The following CELF2 variants were observed in gnomAD, a reference collection of about 807,000 sequenced individuals.
CELF2 encodes the protein CUG triplet repeat RNA-binding protein 2.
Under a neutral mutation model 62.6 loss-of-function variants are expected in CELF2, and 8 were observed. That is an observed-to-expected ratio of 0.13 (90% CI 0.07 to 0.23). CELF2 has a LOEUF of 0.23. Among genes scored for constraint, CELF2 ranks in the 10% least tolerant of loss-of-function variants. The pLI is 1.00. For missense variants in CELF2, 333 were observed against 671.0 expected, an observed-to-expected ratio of 0.50 and a Z score of 5.56; for synonymous variants, 258 against 250.0, an observed-to-expected ratio of 1.03 and a Z score of -0.30.
chr10:11,157,820 C>T lies in CELF2; in HGVS notation c.75-7666C>T, dbSNP rs1292095924. On this transcript the variant is annotated intron_variant, in intron 1 of 12. Transcript: ENST00000633077. The surrounding 1 kb of genome is among the most constrained non-coding windows in gnomAD (Gnocchi z 4.9). ...AGAGAGGGTTGTGAATCCGCACTGA[C>T]CGTGTTCTCTTGCATAAATAAGTCC... 6.6e-6 allele frequency among the ~76,000 whole-genome samples: 1 copy of T among 152,222 alleles called. No individual in the cohort carries two copies. The highest frequency in any genetic ancestry group is 1.5e-5 in the Non-Finnish European group (1 of 68,042).
the CELF2 span, among the ~76,000 whole-genome samples, chr10:10,716,619 A>T: frequency 2.0e-5 from 3 of 152,228 alleles, no homozygotes; most frequent in Non-Finnish European, 4.4e-5. Flanking sequence ...TTGGAAGTGT[A>T]GCCATAAAAT....
the CELF2 span, among the ~76,000 whole-genome samples, chr10:10,643,800 G>A: frequency 3.0e-4 from 45 of 152,152 alleles, no homozygotes; most frequent in African/African-American, 6.7e-4. Context: ...ATGTCTTAAC[G>A]TAGGCTCTGA....
Position 11,314,686 on chromosome 10 carries a change from C to A in CELF2, c.1096+428C>A, listed in dbSNP as rs1403349684. On this transcript the variant is annotated intron_variant, in intron 10 of 12. Coordinates refer to ENST00000633077, the MANE Select transcript of CELF2 (RefSeq NM_001326342.2). This position sits in a 1 kb window ranked among gnomAD's most constrained non-coding sequence, Gnocchi z 5.3. ...GGAAGTCAGGCAGATGCTGCTCCCTCTCTGGGCTTGGGAGTCTCCATTTGA... is the reference window on the plus strand; with the variant it reads ...GGAAGTCAGGCAGATGCTGCTCCCTATCTGGGCTTGGGAGTCTCCATTTGA... The A allele has an allele frequency of 6.7e-6, 2 of 296,606 alleles. No homozygotes were observed. Among genetic ancestry groups the A allele is most frequent in the Non-Finnish European group, 1.3e-5 (2 of 151,452 alleles). 18.4% of individuals were successfully genotyped at this position (296,606 alleles called of 1,614,324 possible).
In CELF2 at chr10:11,316,749, T is replaced by C. The variant is rs1246050590; in HGVS notation, c.1096+2491T>C. ...TAGATGACTCACCAGAGCCAACATTTTACCCTCTTTCCTGCCCAAGAGCCC... is the reference window on the plus strand; with the variant it reads ...TAGATGACTCACCAGAGCCAACATTCTACCCTCTTTCCTGCCCAAGAGCCC... On this transcript the variant is annotated intron_variant, in intron 10 of 12. Coordinates refer to ENST00000633077, the MANE Select transcript of CELF2 (RefSeq NM_001326342.2). This position sits in a 1 kb window ranked among gnomAD's most constrained non-coding sequence, Gnocchi z 4.4. 1 of 152,228 alleles carries C rather than the reference T, an allele frequency of 6.6e-6. No homozygotes were observed. The highest frequency in any genetic ancestry group is 1.9e-4 in the East Asian group (1 of 5,188). 9.4% of individuals were successfully genotyped at this position (152,228 alleles called of 1,614,324 possible). A position where few individuals can be genotyped will look rare whatever the true frequency, so the allele number is the denominator to read the frequency against.
the CELF2 span, among the ~76,000 whole-genome samples, chr10:10,688,285 G>A: frequency 2.0e-5 from 3 of 152,214 alleles, no homozygotes; most frequent in African/African-American, 4.8e-5. Flanking sequence ...AGGAGATAAA[G>A]TGCTTGTTTA....
chr10:10,742,832 G>A, the CELF2 span, among the ~76,000 whole-genome samples: 3 of 152,162 alleles, frequency 2.0e-5, no homozygotes, highest in African/African-American at 4.8e-5. Context: ...GTGCATTAAG[G>A]GAGGATTTGT....
chr10:10,688,716 G>C, the CELF2 span, among the ~76,000 whole-genome samples: 1,070 of 151,432 alleles, frequency 7.1e-3, 4 homozygotes, highest in Non-Finnish European at 8.2e-3. Flanking sequence ...GTACTAGCCA[G>C]TTTTTTTTTG....
the CELF2 span, among the ~76,000 whole-genome samples, chr10:10,731,778 CAGA>C: frequency 6.6e-6 from 1 of 152,134 alleles, no homozygotes; most frequent in African/African-American, 2.4e-5. Flanking sequence ...TCGGTAGGAA[CAGA>C]AGAAGGAATG....
chr10:11,015,945 A>T (rs1380433774), upstream of CELF2, among the ~76,000 whole-genome samples: 1 of 152,222 alleles, frequency 6.6e-6, no homozygotes, highest in Admixed American at 6.5e-5. This position sits in a 1 kb window ranked among gnomAD's most constrained non-coding sequence, Gnocchi z 4.8. Flanking sequence ...TACATGTTCT[A>T]CCTTACAGAA....
the CELF2 span, among the ~76,000 whole-genome samples, chr10:10,489,056 C>A: frequency 1.3e-5 from 2 of 151,994 alleles, no homozygotes; most frequent in African/African-American, 4.8e-5. Flanking sequence ...TCAGCGAATG[C>A]GGTTCTGATA....
chr10:11,080,831 A>C (rs189334097), intron 1 of CELF2, among the ~76,000 whole-genome samples: 3 of 152,348 alleles, frequency 2.0e-5, no homozygotes, highest in Admixed American at 2.0e-4. Flanking sequence ...AATGAAAAGA[A>C]AATTATATGA....
At chr10:10,803,832 T>C (rs1263760972) in intron 1 of CELF2, among the ~76,000 whole-genome samples, 1 of 152,210 alleles carries the variant, frequency 6.6e-6, no homozygotes, top group Non-Finnish European at 1.5e-5. Context: ...AATGAATGAA[T>C]GAATGAGTGA....
At chr10:11,080,003 T>C (rs982811146) in intron 1 of CELF2, among the ~76,000 whole-genome samples, 1 of 152,184 alleles carries the variant, frequency 6.6e-6, no homozygotes, top group Admixed American at 6.5e-5. Flanking sequence ...GATTATAAAC[T>C]GTTGTGAATT....
chr10:10,698,851 T>A, the CELF2 span, among the ~76,000 whole-genome samples: 1 of 152,202 alleles, frequency 6.6e-6, no homozygotes, highest in Non-Finnish European at 1.5e-5. Context: ...GTCATCACCA[T>A]CTTAATCATC....
chr10:10,698,680 T>C, the CELF2 span, among the ~76,000 whole-genome samples: 2 of 152,182 alleles, frequency 1.3e-5, no homozygotes, highest in Admixed American at 6.5e-5. Flanking sequence ...CCTCTCTCAC[T>C]TTACAGAAAA....
intron 2 of CELF2, among the ~76,000 whole-genome samples, chr10:10,954,088 C>G (rs1174748270): frequency 1.3e-5 from 2 of 151,708 alleles, no homozygotes; most frequent in African/African-American, 4.8e-5. Flanking sequence ...ATCAGATTGG[C>G]AAAAGTCAGA....
chr10:11,100,063 A>G (rs1041604330), intron 1 of CELF2, among the ~76,000 whole-genome samples: 3 of 151,896 alleles, frequency 2.0e-5, no homozygotes, highest in Admixed American at 2.0e-4. Flanking sequence ...ATAGCCGGGC[A>G]TGGTGGTGGG....
At position 11,156,443 on chromosome 10, in the gene CELF2, G is replaced by T. The variant is rs926894800; in HGVS notation, c.75-9043G>T. On this transcript the variant is annotated intron_variant, in intron 1 of 12. Coordinates refer to ENST00000633077, the MANE Select transcript of CELF2 (RefSeq NM_001326342.2). This position sits in a 1 kb window ranked among gnomAD's most constrained non-coding sequence, Gnocchi z 4.3. ...TTCCCTGACCACCTTATTTAATATT[G>T]CAGCCCTCTTATTTAATACCCTGCA... 6.6e-5 allele frequency among the ~76,000 whole-genome samples: 10 copies of T among 152,076 alleles called. No homozygotes were observed. Among genetic ancestry groups the T allele is most frequent in the African/African-American group, 2.4e-4 (10 of 41,404 alleles).
At chr10:10,767,952 C>T in the CELF2 span, among the ~76,000 whole-genome samples, 1 of 112,156 alleles carries the variant, frequency 8.9e-6, no homozygotes, top group Non-Finnish European at 1.7e-5. Context: ...GCCGAGATCG[C>T]GCCACTGCAC....
Sources: allele counts gnomAD v4.1 joint callset (sites outside exome capture counted in the v4.1 genomes callset), GRCh38; gene constraint gnomAD v4.1.1; non-coding constraint Gnocchi (gnomAD v3.1); transcripts MANE v1.5; gene names NCBI Gene and HGNC (gene_info 2026-07-23, HGNC 2026-07-21).